The following PPP4R4 variants were observed in gnomAD, a reference collection of about 807,000 sequenced individuals.
The protein encoded by PPP4R4 is protein phosphatase 4 regulatory subunit 4.
In PPP4R4, 70 loss-of-function variants were observed where a neutral mutation model predicts 121.8. The ratio of observed to expected loss-of-function variants is 0.57; its 90% CI spans 0.47 to 0.70. PPP4R4 has a LOEUF of 0.70. PPP4R4 is among the 30% of genes least tolerant of loss of function. The pLI, the probability that PPP4R4 is intolerant of heterozygous loss-of-function variation, is 0.00. For synonymous variants in PPP4R4, 348 were observed against 355.7 expected (o/e 0.98, Z 0.24); for missense variants, 875 against 1,033.6 (o/e 0.85, Z 2.10).
intron 3 of PPP4R4, among the ~76,000 whole-genome samples, chr14:94,216,670 C>T (rs560765555): frequency 6.6e-4 from 100 of 152,288 alleles, no homozygotes; most frequent in Admixed American, 1.3e-3. Flanking sequence ...TCCTGAAAAC[C>T]TTCTCCTTTA....
chr14:94,225,423 T>C (rs954828218), intron 3 of PPP4R4, among the ~76,000 whole-genome samples: 2 of 151,568 alleles, frequency 1.3e-5, no homozygotes, highest in Non-Finnish European at 2.9e-5. Context: ...CTGACAGCCT[T>C]GCGGAGTCCC....
intron 16 of PPP4R4, 64 bp from the exon 17 acceptor site, chr14:94,256,396 G>A: frequency 1.5e-6 from 2 of 1,370,402 alleles, no homozygotes; most frequent in Non-Finnish European, 2.0e-6. Context: ...CTTGATTTTT[G>A]TTTTATGTTT....
intron 2 of PPP4R4, among the ~76,000 whole-genome samples, chr14:94,204,449 C>G (rs953106316): frequency 6.6e-6 from 1 of 151,992 alleles, no homozygotes; most frequent in African/African-American, 2.4e-5. Context: ...GTGTCTCTCT[C>G]CTTCCACCAA....
intron 15 of PPP4R4, among the ~76,000 whole-genome samples, chr14:94,250,894 A>G (rs1165476450): frequency 6.6e-6 from 1 of 151,938 alleles, no homozygotes; most frequent in Non-Finnish European, 1.5e-5. Context: ...TAATATTTTT[A>G]CCAAACTATA....
chr14:94,264,263 C>T (rs1024312715), intron 19 of PPP4R4, among the ~76,000 whole-genome samples: 46 of 152,276 alleles, frequency 3.0e-4, no homozygotes, highest in Non-Finnish European at 2.5e-4. Flanking sequence ...ATTCTCCTGC[C>T]TTAGCCTCCT....
intron 15 of PPP4R4, among the ~76,000 whole-genome samples, chr14:94,250,486 C>A (rs1893122000): frequency 6.6e-6 from 1 of 151,884 alleles, no homozygotes; most frequent in Non-Finnish European, 1.5e-5. Context: ...TTGTAAATGT[C>A]TACACTTTAG....
intron 21 of PPP4R4, 91 bp from the exon 22 acceptor site, chr14:94,265,703 C>A: frequency 1.0e-6 from 1 of 1,000,304 alleles, no homozygotes; most frequent in Non-Finnish European, 1.5e-6. Flanking sequence ...CTGTGTTTTA[C>A]TGAAAATGAT....
chr14:94,200,739 G>A (rs902205628), intron 2 of PPP4R4, among the ~76,000 whole-genome samples: 7 of 151,168 alleles, frequency 4.6e-5, no homozygotes, highest in African/African-American at 1.7e-4. Context: ...GGTTAATCTC[G>A]CTAGTGGTCT....
At chr14:94,253,316 C>T (rs1441101698) in intron 16 of PPP4R4, among the ~76,000 whole-genome samples, 3 of 152,050 alleles carry the variant, frequency 2.0e-5, no homozygotes, top group Non-Finnish European at 2.9e-5. Context: ...AAAAATGAGC[C>T]GGTCGTGGTG....
intron 1 of PPP4R4, among the ~76,000 whole-genome samples, chr14:94,174,981 C>G (rs1477642392): frequency 6.8e-6 from 1 of 147,416 alleles, no homozygotes; most frequent in African/African-American, 2.5e-5. Context: ...CCGCCCCCCC[C>G]CCCCAAAGGA....
chr14:94,261,170 A>T (rs1201898752), intron 19 of PPP4R4, among the ~76,000 whole-genome samples: 2 of 152,120 alleles, frequency 1.3e-5, no homozygotes, highest in Non-Finnish European at 2.9e-5. Context: ...GCAATACCAA[A>T]CTGTCTTGAT....
intron 3 of PPP4R4, 93 bp downstream of exon 3, chr14:94,208,659 C>T (rs1890588202): frequency 1.2e-6 from 1 of 863,036 alleles, no homozygotes; most frequent in Non-Finnish European, 1.8e-6. Context: ...GATGGCTGAT[C>T]TTTTGCACCT....
At position 94,250,281 on chromosome 14, in the gene PPP4R4, A is replaced by G; in HGVS notation, c.1717+4A>G. On this transcript the variant is annotated splice_donor_region_variant and intron_variant, in intron 15 of 24. Transcript: ENST00000304338. Reference sequence around the variant, plus strand: ...GTCATTCAAAAATTAATTGAACGTAAGTAATCATTGTCTACTATTTTGAAA... The same window carrying G: ...GTCATTCAAAAATTAATTGAACGTAGGTAATCATTGTCTACTATTTTGAAA... The G allele has an allele frequency of 6.4e-7, 1 of 1,567,280 alleles. No individual in the cohort carries two copies. Among genetic ancestry groups the G allele is most frequent in the Non-Finnish European group, 8.8e-7 (1 of 1,138,682 alleles).
intron 5 of PPP4R4, among the ~76,000 whole-genome samples, chr14:94,233,412 C>A (rs1195396680): frequency 1.3e-5 from 2 of 152,170 alleles, no homozygotes; most frequent in African/African-American, 2.4e-5. Flanking sequence ...ATTGTAAAAT[C>A]ACCATAAACT....
At chr14:94,237,141 A>G (rs1892388144) in intron 7 of PPP4R4, among the ~76,000 whole-genome samples, 1 of 152,176 alleles carries the variant, frequency 6.6e-6, no homozygotes, top group African/African-American at 2.4e-5. Flanking sequence ...AATTTCATGT[A>G]TTAGGTGAAT....
chr14:94,213,196 G>A (rs1454184223), intron 3 of PPP4R4, among the ~76,000 whole-genome samples: 1 of 152,168 alleles, frequency 6.6e-6, no homozygotes, highest in Non-Finnish European at 1.5e-5. Context: ...GGTTTAAACA[G>A]GAAGTCTGAG....
At chr14:94,174,769 C>A (rs1196624918) in intron 1 of PPP4R4, among the ~76,000 whole-genome samples, 187 bp downstream of exon 1, 1 of 152,028 alleles carries the variant, frequency 6.6e-6, no homozygotes, top group Non-Finnish European at 1.5e-5. Context: ...CTCTCGGACC[C>A]TTCCTCAGAG....
At chr14:94,182,227 G>A (rs115407053) in intron 2 of PPP4R4, among the ~76,000 whole-genome samples, 107 of 152,168 alleles carry the variant, frequency 7.0e-4, no homozygotes, top group African/African-American at 2.4e-3. Context: ...TAATGAATTT[G>A]GAATATCAGT....
intron 23 of PPP4R4, 38 bp from the exon 24 acceptor site, chr14:94,275,336 A>G (rs1314141567): frequency 5.0e-6 from 8 of 1,605,782 alleles, no homozygotes; most frequent in Middle Eastern, 1.7e-4. Flanking sequence ...CTTTGTTAGT[A>G]TATTTGGTAT....
Sources: allele counts gnomAD v4.1 joint callset (sites outside exome capture counted in the v4.1 genomes callset), GRCh38; gene constraint gnomAD v4.1.1; transcripts MANE v1.5; gene names NCBI Gene and HGNC (gene_info 2026-07-23, HGNC 2026-07-21).